CST7: variants seen among roughly 807,000 people sequenced by gnomAD.
CST7 encodes the protein cystatin F.
Under a neutral mutation model 13.1 loss-of-function variants are expected in CST7, and 15 were observed. That is an observed-to-expected ratio of 1.14 (90% CI 0.77 to 1.76). CST7 has a LOEUF of 1.76. Ranked by LOEUF, CST7 falls within the 40% of genes most tolerant of loss-of-function variation. The pLI, the probability that CST7 is intolerant of heterozygous loss-of-function variation, is 0.00. For missense variants in CST7, 193 were observed against 178.8 expected, an observed-to-expected ratio of 1.08 and a Z score of -0.45; for synonymous variants, 75 against 66.9, an observed-to-expected ratio of 1.12 and a Z score of -0.59.
chr20:24,955,190 T>G (rs6050201), intron 1 of CST7, among the ~76,000 whole-genome samples: 88,467 of 151,972 alleles, frequency 0.58, 26,686 homozygotes, highest in East Asian at 0.93. Flanking sequence ...GTTTTTTGTT[T>G]TAACTAAAAG....
rs778331908 is a variant in CST7, at chr20:24,957,352, G to C, written c.136G>C (p.Asp46His). 6.2e-6 allele frequency: 10 copies of C among 1,613,620 alleles called. No individual in the cohort carries two copies. The African/African-American group carries it at 1.3e-4, about 22-fold the overall frequency. ...ATTTCCTAAAACAATAAAGACCAAT[G>C]ACCCAGGAGTCCTCCAAGCAGCCAG... ...PGFPKTIKTN[D>H]PGVLQAARYS... is the part of the protein sequence containing the mutation. Residue 46 changes from aspartate to histidine, a missense_variant, in exon 2 of 4, where the codon GAC becomes CAC. Coordinates refer to ENST00000480798, the MANE Select transcript of CST7 (RefSeq NM_003650.4).
intron 2 of CST7, among the ~76,000 whole-genome samples, chr20:24,958,161 C>G: frequency 6.6e-6 from 1 of 152,148 alleles, no homozygotes; most frequent in Non-Finnish European, 1.5e-5. Flanking sequence ...ATTTTTATAA[C>G]CTAATTATTT....
rs767150625 is a variant in CST7 at position 24,957,247 on chromosome 20, C to A, written c.71-40C>A. The A allele has an allele frequency of 8.2e-6, 13 of 1,594,448 alleles. No homozygotes were observed. In the Admixed American group the frequency reaches 1.2e-4, roughly 15 times the overall value. ...CGTGACACCTGGACTGAAGGCCCCA[C>A]TAACATCAGTGTTCTTGTCTGGCTC... On this transcript the variant is annotated intron_variant, in intron 1 of 3. Transcript: ENST00000480798.
intron 2 of CST7, among the ~76,000 whole-genome samples, chr20:24,958,666 G>A (rs981011786): frequency 5.9e-5 from 9 of 152,188 alleles, no homozygotes; most frequent in Non-Finnish European, 8.8e-5. Context: ...GACCTAGTGT[G>A]ACGTCCCTCC....
At chr20:24,949,936 G>A (rs1289234434) in intron 1 of CST7, among the ~76,000 whole-genome samples, 3 of 152,200 alleles carry the variant, frequency 2.0e-5, no homozygotes, top group South Asian at 4.1e-4. Context: ...GTGGTTAGCC[G>A]CTTCTATCTG....
intron 1 of CST7, among the ~76,000 whole-genome samples, chr20:24,951,739 T>C (rs576863307): frequency 6.6e-6 from 1 of 152,332 alleles, no homozygotes; most frequent in East Asian, 1.9e-4. Flanking sequence ...ACCATAGCGC[T>C]GAGCCCCTCA....
At chr20:24,955,283 T>C (rs1016990433) in intron 1 of CST7, among the ~76,000 whole-genome samples, 1 of 152,106 alleles carries the variant, frequency 6.6e-6, no homozygotes, top group Non-Finnish European at 1.5e-5. Flanking sequence ...TTCCTGATGG[T>C]AACACTGCAG....
rs1291613996 is a variant in CST7, at chr20:24,957,147, G to C, written c.71-140G>C. 4.8e-6 allele frequency: 4 copies of C among 839,134 alleles called. No homozygotes were observed. In the African/African-American group the frequency reaches 7.0e-5, roughly 15 times the overall value. The allele number at this position is 839,134 out of a possible 1,614,324, so 52.0% of individuals were successfully genotyped here. Reference sequence around the variant, plus strand: ...GGACAGGTGACAGGGGTAGGTAAGAGGGGGAGCAGGTGAGGGGTGGGTAGG... The same window carrying C: ...GGACAGGTGACAGGGGTAGGTAAGACGGGGAGCAGGTGAGGGGTGGGTAGG... On this transcript the variant is annotated intron_variant, in intron 1 of 3. Transcript: ENST00000480798.
In CST7 at chr20:24,949,372, C is replaced by G; in HGVS notation, c.-134C>G. The G allele has an allele frequency of 6.3e-7, 1 of 1,574,832 alleles. No homozygotes were observed. The highest frequency in any genetic ancestry group is 2.2e-5 in the East Asian group (1 of 44,468). Reference sequence around the variant, plus strand: ...TTGGCACGGGCACAGACCACTGCCCCCACCTGCCCTGCGCCATCTACCCAA... The same window carrying G: ...TTGGCACGGGCACAGACCACTGCCCGCACCTGCCCTGCGCCATCTACCCAA... On this transcript the variant is annotated 5_prime_UTR_variant, in exon 1 of 4. Transcript: ENST00000480798.
intron 1 of CST7, among the ~76,000 whole-genome samples, chr20:24,957,018 GC>G (rs1568806055): frequency 3.9e-3 from 11 of 2,824 alleles, no homozygotes; most frequent in African/African-American, 6.4e-3. Flanking sequence ...GGTGAGGGGG[GC>G]AGGTGAGGGG....
intron 1 of CST7, 36 bp downstream of exon 1, chr20:24,949,611 T>C: frequency 6.2e-7 from 1 of 1,611,626 alleles, no homozygotes; most frequent in Non-Finnish European, 8.5e-7. Flanking sequence ...TCCCCGGGGG[T>C]CTCTCCCTGA....
intron 3 of CST7, 34 bp from the exon 4 acceptor site, chr20:24,959,601 T>G: frequency 1.2e-6 from 2 of 1,608,164 alleles, no homozygotes; most frequent in Non-Finnish European, 1.7e-6. Context: ...GCAGGGAAAG[T>G]CTAAGCTCTC....
chr20:24,956,067 G>A (rs193119314), intron 1 of CST7, among the ~76,000 whole-genome samples: 228 of 152,248 alleles, frequency 1.5e-3, no homozygotes, highest in Non-Finnish European at 2.9e-3. Flanking sequence ...ACTCTTTACC[G>A]GGATGGGGCG....
At chr20:24,952,519 T>C (rs535582876) in intron 1 of CST7, among the ~76,000 whole-genome samples, 6 of 152,206 alleles carry the variant, frequency 3.9e-5, no homozygotes, top group Admixed American at 3.9e-4. Flanking sequence ...ATTTTGATGG[T>C]GTCATGTGAG....
chr20:24,954,594 G>A (rs1315162567), intron 1 of CST7, among the ~76,000 whole-genome samples: 1 of 152,164 alleles, frequency 6.6e-6, no homozygotes, highest in Non-Finnish European at 1.5e-5. Flanking sequence ...TAAAAACTGA[G>A]CTTTTAATAT....
At chr20:24,958,755 T>A (rs903091347) in intron 2 of CST7, among the ~76,000 whole-genome samples, 173 bp from the exon 3 acceptor site, 1 of 151,378 alleles carries the variant, frequency 6.6e-6, no homozygotes, top group African/African-American at 2.4e-5. Context: ...GGGAGGGGAG[T>A]GGGAGGGGTC....
intron 1 of CST7, among the ~76,000 whole-genome samples, chr20:24,954,423 C>T (rs2087840827): frequency 6.6e-6 from 1 of 152,214 alleles, no homozygotes; most frequent in Non-Finnish European, 1.5e-5. Context: ...CGGAGGCTCT[C>T]AAAGAGCTGC....
chr20:24,951,295 G>A (rs545461612), intron 1 of CST7, among the ~76,000 whole-genome samples: 40 of 152,324 alleles, frequency 2.6e-4, no homozygotes, highest in African/African-American at 9.6e-4. Context: ...CTGAACAGAG[G>A]TGGCTCGGGG....
In CST7 at chr20:24,949,322, A is replaced by G. The variant is rs2087804098; in HGVS notation, c.-184A>G. The G allele has an allele frequency of 1.3e-6, 2 of 1,514,764 alleles. No homozygotes were observed. Among genetic ancestry groups the G allele is most frequent in the African/African-American group, 2.8e-5 (2 of 72,352 alleles). The allele number at this position is 1,514,764 out of a possible 1,614,324, so 93.8% of individuals were successfully genotyped here. On this transcript the variant is annotated 5_prime_UTR_variant, in exon 1 of 4. Coordinates refer to ENST00000480798, the MANE Select transcript of CST7 (RefSeq NM_003650.4). ...GCACAGGCACAAACCATTGCCCGGCACTGGCCCGTGCTGCCTGAGAAGGAT... is the reference window on the plus strand; with the variant it reads ...GCACAGGCACAAACCATTGCCCGGCGCTGGCCCGTGCTGCCTGAGAAGGAT...
Sources: gnomAD v4.1 joint callset for allele counts (sites outside exome capture counted in the v4.1 genomes callset) on GRCh38, gnomAD v4.1.1 for gene constraint, MANE v1.5 for transcripts, NCBI Gene and HGNC (gene_info 2026-07-23, HGNC 2026-07-21) for gene names.